CCDC85C: variants seen among roughly 807,000 people sequenced by gnomAD.
CCDC85C encodes coiled-coil domain-containing protein 85C.
In CCDC85C, 18 loss-of-function variants were observed where a neutral mutation model predicts 38.3. The ratio of observed to expected loss-of-function variants is 0.47; its 90% CI spans 0.33 to 0.70. The LOEUF (loss-of-function observed/expected upper bound fraction) is 0.70. CCDC85C is among the 30% of genes least tolerant of loss of function. The pLI, the probability that CCDC85C is intolerant of heterozygous loss-of-function variation, is 0.03. For synonymous variants in CCDC85C, 264 were observed against 293.8 expected (o/e 0.90, Z 1.04); for missense variants, 566 against 621.2 (o/e 0.91, Z 0.94).
intron 3 of CCDC85C, among the ~76,000 whole-genome samples, chr14:99,521,689 G>A (rs373025476): frequency 2.6e-5 from 4 of 152,190 alleles, no homozygotes; most frequent in African/African-American, 9.7e-5. Flanking sequence ...CCACTTCCCG[G>A]GAGCTGGCTC....
chr14:99,561,992 C>A (rs1181656960), intron 1 of CCDC85C, among the ~76,000 whole-genome samples: 2 of 152,188 alleles, frequency 1.3e-5, no homozygotes, highest in Non-Finnish European at 2.9e-5. Context: ...CACGCGAGGA[C>A]CTCAGTGCAG....
At chr14:99,564,503 C>T (rs968673595) in intron 1 of CCDC85C, among the ~76,000 whole-genome samples, 9 of 152,216 alleles carry the variant, frequency 5.9e-5, no homozygotes, top group African/African-American at 1.4e-4. Flanking sequence ...TTGAGTTGCA[C>T]GACACCGTTT....
At chr14:99,596,382 G>C (rs562992971) in intron 1 of CCDC85C, among the ~76,000 whole-genome samples, 1 of 151,910 alleles carries the variant, frequency 6.6e-6, no homozygotes, top group Non-Finnish European at 1.5e-5. Context: ...TCAGACCCTC[G>C]CTTCCTCCCC....
chr14:99,524,463 G>A (rs1395264709), intron 2 of CCDC85C, among the ~76,000 whole-genome samples: 1 of 152,160 alleles, frequency 6.6e-6, no homozygotes, highest in Non-Finnish European at 1.5e-5. Context: ...GAGGAGATGT[G>A]TGTGCGTGAG....
intron 1 of CCDC85C, among the ~76,000 whole-genome samples, chr14:99,556,441 C>T (rs969044606): frequency 6.6e-6 from 1 of 152,198 alleles, no homozygotes; most frequent in Admixed American, 6.5e-5. Context: ...TCTAGAGCAT[C>T]ATATTGGGAC....
chr14:99,601,279 G>A (rs896776519), intron 1 of CCDC85C, among the ~76,000 whole-genome samples: 4 of 152,212 alleles, frequency 2.6e-5, no homozygotes, highest in South Asian at 4.2e-4. Flanking sequence ...GCTTGGGGGA[G>A]GATGGGTTCT....
intron 1 of CCDC85C, among the ~76,000 whole-genome samples, chr14:99,563,288 G>T (rs192611518): frequency 6.6e-6 from 1 of 152,354 alleles, no homozygotes; most frequent in South Asian, 2.1e-4. Flanking sequence ...CTGCCCTGCC[G>T]CGTTCCATCC....
intron 2 of CCDC85C, among the ~76,000 whole-genome samples, chr14:99,524,534 A>G (rs1309226959): frequency 6.6e-6 from 1 of 152,218 alleles, no homozygotes; most frequent in African/African-American, 2.4e-5. Flanking sequence ...GTGAGCCTCT[A>G]TAAACATTTG....
In CCDC85C at chr14:99,502,444, G is replaced by A. The variant is rs1043501033; in HGVS notation, c.*12802C>T. ...GAGATGATTCTTCCATGTGTACCCT[G>A]AGTCCCAAGAATGGATTTTCCCAGA... On this transcript the variant is annotated 3_prime_UTR_variant, in exon 6 of 6. Coordinates refer to ENST00000380243, the MANE Select transcript of CCDC85C (RefSeq NM_001144995.2). The A allele has an allele frequency of 3.2e-6, 5 of 1,548,518 alleles. No individual in the cohort carries two copies. In the Admixed American group the frequency reaches 8.2e-5, roughly 25 times the overall value.
intron 1 of CCDC85C, among the ~76,000 whole-genome samples, chr14:99,542,506 G>A (rs1897732699): frequency 6.6e-6 from 1 of 152,176 alleles, no homozygotes; most frequent in African/African-American, 2.4e-5. Context: ...CAGGTGACCA[G>A]GCCCCCCCAG....
chr14:99,546,870 T>C (rs1897817569), intron 1 of CCDC85C, among the ~76,000 whole-genome samples: 1 of 152,162 alleles, frequency 6.6e-6, no homozygotes, highest in African/African-American at 2.4e-5. Context: ...GAGAGTTCTA[T>C]GTGAAAAAAC....
In CCDC85C at chr14:99,508,094, G is replaced by T. The variant is rs1443381596; in HGVS notation, c.*7152C>A. 2.6e-5 allele frequency: 4 copies of T among 152,208 alleles called. No individual in the cohort carries two copies. The highest frequency in any genetic ancestry group is 9.7e-5 in the African/African-American group (4 of 41,430). 9.4% of individuals were successfully genotyped at this position (152,208 alleles called of 1,614,324 possible). ...GGTCGGTGCACGTGGCTCACACTGG[G>T]GCTGACAGCACTGTGTGCCCGTAAC... On this transcript the variant is annotated 3_prime_UTR_variant, in exon 6 of 6. Transcript: ENST00000380243.
At position 99,506,140 on chromosome 14, in the gene CCDC85C, T is replaced by C. The variant is rs1273475464; in HGVS notation, c.*9106A>G. On this transcript the variant is annotated 3_prime_UTR_variant, in exon 6 of 6. Transcript: ENST00000380243. Reference sequence around the variant, plus strand: ...GTAGTTGTCCACTTAGAGAGGGGCTTTGGACTCTGAGGAAGAGGGTGAAGA... The same window carrying C: ...GTAGTTGTCCACTTAGAGAGGGGCTCTGGACTCTGAGGAAGAGGGTGAAGA... 1 of 152,306 alleles carries C rather than the reference T, an allele frequency of 6.6e-6. No individual in the cohort carries two copies. The highest frequency in any genetic ancestry group is 1.5e-5 in the Non-Finnish European group (1 of 68,124). The allele number at this position is 152,306 out of a possible 1,614,324, so 9.4% of individuals were successfully genotyped here.
Position 99,603,744 on chromosome 14 carries a change from G to T in CCDC85C, c.216C>A (p.Asp72Glu), listed in dbSNP as rs1255105422. 1.3e-6 allele frequency: 2 copies of T among 1,523,416 alleles called. No homozygotes were observed. Among genetic ancestry groups the T allele is most frequent in the South Asian group, 1.2e-5 (1 of 82,114 alleles). 94.4% of individuals were successfully genotyped at this position (1,523,416 alleles called of 1,614,324 possible). Residue 72 changes from aspartate to glutamate, a missense_variant, in exon 1 of 6, where the codon GAC becomes GAA. Around this residue, in one of 3 missense-constraint regions of CCDC85C, gnomAD observed 269 missense variants for 308.2 expected, o/e 0.87. Transcript: ENST00000380243. This position sits in a 1 kb window ranked among gnomAD's most constrained non-coding sequence, Gnocchi z 7.5. ...TGTCGTCCTGCAGCCGCTGGTTCACGTCCTTGAGGCCGCGGATCTCCAGCA... is the reference window on the plus strand; with the variant it reads ...TGTCGTCCTGCAGCCGCTGGTTCACTTCCTTGAGGCCGCGGATCTCCAGCA... ...QHLLEIRGLK[D>E]VNQRLQDDNQ...
In CCDC85C at chr14:99,580,339, C is replaced by G. The variant is rs1022988894; in HGVS notation, c.793+22828G>C. On this transcript the variant is annotated intron_variant, in intron 1 of 5. Transcript: ENST00000380243. ...ACAGCCCAGCCCAGACAGAAGAGCA[C>G]ACCTCCCAGAGTCACCGTGAGTGCA... 1.3e-4 allele frequency among the ~76,000 whole-genome samples: 20 copies of G among 151,534 alleles called. No individual in the cohort carries two copies. The East Asian group carries it at 3.7e-3, about 28-fold the overall frequency.
intron 1 of CCDC85C, among the ~76,000 whole-genome samples, chr14:99,575,204 G>A (rs771567246): frequency 5.9e-5 from 9 of 152,192 alleles, no homozygotes; most frequent in Non-Finnish European, 1.0e-4. Context: ...GTGAGGCCGC[G>A]TCCTGGCCCT....
chr14:99,516,387 G>T lies in CCDC85C; in HGVS notation c.1072-101C>A. 1.2e-6 allele frequency: 1 copy of T among 859,360 alleles called. No homozygotes were observed. 53.2% of individuals were successfully genotyped at this position (859,360 alleles called of 1,614,324 possible). On this transcript the variant is annotated intron_variant, in intron 4 of 5. Coordinates refer to ENST00000380243, the MANE Select transcript of CCDC85C (RefSeq NM_001144995.2). The surrounding 1 kb of genome is among the most constrained non-coding windows in gnomAD (Gnocchi z 5.5). Reference sequence around the variant, plus strand: ...TCAGCCTCCCCTGCTGCGAACCAAAGCTGAGGACCCTGAGCCGCTGGGCCC... The same window carrying T: ...TCAGCCTCCCCTGCTGCGAACCAAATCTGAGGACCCTGAGCCGCTGGGCCC...
Position 99,544,739 on chromosome 14 carries a change from G to C in CCDC85C, c.794-8651C>G, listed in dbSNP as rs1050641331. Among the ~76,000 whole-genome samples, 7 of 152,026 alleles carry C rather than the reference G, an allele frequency of 4.6e-5. No individual in the cohort carries two copies. The highest frequency in any genetic ancestry group is 1.7e-4 in the African/African-American group (7 of 41,434). On this transcript the variant is annotated intron_variant, in intron 1 of 5. Transcript: ENST00000380243. The surrounding 1 kb of genome is among the most constrained non-coding windows in gnomAD (Gnocchi z 5.3). The stretch of plus-strand genomic sequence containing the variant: ...CCTCGCCTCCAAGGGCACCAGATAA[G>C]CGCCCAGCCCCAGATGTGAAAAGAC...
At chr14:99,596,486 TC>T (rs2055144334) in intron 1 of CCDC85C, among the ~76,000 whole-genome samples, 1 of 152,140 alleles carries the variant, frequency 6.6e-6, no homozygotes, top group Non-Finnish European at 1.5e-5. Context: ...GTCAATACAA[TC>T]CTGATCTTTC....
Sources: gnomAD v4.1 joint callset for allele counts (sites outside exome capture counted in the v4.1 genomes callset) on GRCh38, gnomAD v4.1.1 for gene constraint, gnomAD v4.1.1 regional missense constraint, Gnocchi (gnomAD v3.1) non-coding constraint, MANE v1.5 for transcripts, NCBI Gene and HGNC (gene_info 2026-07-23, HGNC 2026-07-21) for gene names.